The following PLXNB2 variants were observed in gnomAD, a reference collection of about 807,000 sequenced individuals.
PLXNB2 encodes plexin B2.
PLXNB2 carries 85 observed loss-of-function variants against 202.6 expected under a neutral mutation model. That is an observed-to-expected ratio of 0.42 (90% confidence interval 0.35 to 0.50). The LOEUF is 0.50. Among genes scored for constraint, PLXNB2 ranks in the 20% least tolerant of loss-of-function variants. PLXNB2 has a pLI of 0.02. For missense variants in PLXNB2, 2,063 were observed against 2,586.2 expected, an observed-to-expected ratio of 0.80 and a Z score of 4.39; for synonymous variants, 1,239 against 1,137.6, an observed-to-expected ratio of 1.09 and a Z score of -1.79.
chr22:50,289,466 C>A lies in PLXNB2; in HGVS notation c.1068+51G>T, dbSNP rs753361944. On this transcript the variant is annotated intron_variant, in intron 3 of 36. Coordinates refer to ENST00000359337, the MANE Select transcript of PLXNB2 (RefSeq NM_012401.4). This position sits in a 1 kb window ranked among gnomAD's most constrained non-coding sequence, Gnocchi z 8.0. ...CAGCAGGCTGGGACACGCAAACCCA[C>A]GAACGGACGCCTGCAGTCCGGGCCC... is the stretch of plus-strand genomic sequence containing the variant. 2.6e-6 allele frequency: 4 copies of A among 1,518,316 alleles called. No homozygotes were observed. The highest frequency in any genetic ancestry group is 2.8e-5 in the African/African-American group (2 of 72,368). The allele number at this position is 1,518,316 out of a possible 1,614,324, so 94.1% of individuals were successfully genotyped here. A position where few individuals can be genotyped will look rare whatever the true frequency, so the allele number is the denominator to read the frequency against.
In PLXNB2 at chr22:50,279,859, G is replaced by C. The variant is rs2065866325; in HGVS notation, c.4243-83C>G. 4.1e-5 allele frequency: 63 copies of C among 1,533,566 alleles called. No homozygotes were observed. In the South Asian group the frequency reaches 6.2e-4, roughly 15 times the overall value. The allele number at this position is 1,533,566 out of a possible 1,614,324, so 95.0% of individuals were successfully genotyped here. A position where few individuals can be genotyped will look rare whatever the true frequency, so the allele number is the denominator to read the frequency against. The stretch of plus-strand genomic sequence containing the variant: ...CCCCGGAGCCCTGGCCAGAGGCATG[G>C]ACGGGGCTGACCATGTCAGGGGCAG... On this transcript the variant is annotated intron_variant, in intron 26 of 36. Transcript: ENST00000359337.
chr22:50,282,835 T>C lies in PLXNB2; in HGVS notation c.2863A>G (p.Thr955Ala). Residue 955 changes from threonine to alanine, a missense_variant, in exon 18 of 37, where the codon ACA (threonine) becomes GCA (alanine). Coordinates refer to ENST00000359337, the MANE Select transcript of PLXNB2 (RefSeq NM_012401.4). ...QLQCVTGPQATRGQMLLEVSY... is the reference protein window; with the variant it reads ...QLQCVTGPQAARGQMLLEVSY... ...ACCTCCAGAAGCATCTGGCCCCGTGTCGCCTGGGGGCCAGTGACACACTGG... is the reference window on the plus strand; with the variant it reads ...ACCTCCAGAAGCATCTGGCCCCGTGCCGCCTGGGGGCCAGTGACACACTGG... 1 of 1,612,828 alleles carries C rather than the reference T, an allele frequency of 6.2e-7. No homozygotes were observed. Among genetic ancestry groups the C allele is most frequent in the Middle Eastern group, 1.7e-4 (1 of 6,056 alleles).
chr22:50,300,340 G>C (rs1425740979), intron 1 of PLXNB2: 21 of 985,300 alleles, frequency 2.1e-5, no homozygotes, highest in Non-Finnish European at 2.5e-5. Flanking sequence ...CCGTGGAAGG[G>C]GCGCGGGGAG....
At chr22:50,300,340 G>A in intron 1 of PLXNB2, 7 of 985,300 alleles carry the variant, frequency 7.1e-6, no homozygotes, top group Non-Finnish European at 8.4e-6. Context: ...CCGTGGAAGG[G>A]GCGCGGGGAG....
rs758310101 is a variant in PLXNB2, at chr22:50,289,033, G to A, written c.1178C>T (p.Thr393Met). The change falls in exon 4 of 37, where the codon ACG becomes ATG. Residue 393 changes from threonine to methionine, a missense_variant. By Grantham distance (81) the Thr-to-Met change is moderately conservative. Coordinates refer to ENST00000359337, the MANE Select transcript of PLXNB2 (RefSeq NM_012401.4). This position sits in a 1 kb window ranked among gnomAD's most constrained non-coding sequence, Gnocchi z 8.0. ...AVLQRGGLNL[T>M]AVTVAAENNH... ...GTTCTCGGCGGCGACCGTCACGGCCGTGAGGTTCAGGCCTCCACGCTGCAG... is the reference window on the plus strand; with the variant it reads ...GTTCTCGGCGGCGACCGTCACGGCCATGAGGTTCAGGCCTCCACGCTGCAG... 5.6e-6 allele frequency: 9 copies of A among 1,609,820 alleles called. No individual in the cohort carries two copies. The highest frequency in any genetic ancestry group is 2.2e-5 in the East Asian group (1 of 44,776).
At chr22:50,304,017 G>A (rs1172007119) in intron 1 of PLXNB2, among the ~76,000 whole-genome samples, 4 of 152,208 alleles carry the variant, frequency 2.6e-5, no homozygotes, top group African/African-American at 9.7e-5. Context: ...CAGCTCAGGT[G>A]TGGCCTTAGG....
In PLXNB2 at chr22:50,275,454, C is replaced by T. The variant is rs776411869; in HGVS notation, c.*250G>A. ...AAATCACTGGAGACTCGACAGTGAA[C>T]ACCCGATGCTGGTTCTGCGGCCGGA... On this transcript the variant is annotated 3_prime_UTR_variant, in exon 37 of 37. Transcript: ENST00000359337. 5 of 632,110 alleles carry T rather than the reference C, an allele frequency of 7.9e-6. No homozygotes were observed. The highest frequency in any genetic ancestry group is 6.0e-5 in the South Asian group (4 of 66,126). The allele number at this position is 632,110 out of a possible 1,614,324, so 39.2% of individuals were successfully genotyped here.
rs368694519 is a variant in PLXNB2, at chr22:50,284,007, C to T, written c.2264-17G>A. 3.3e-5 allele frequency: 51 copies of T among 1,532,584 alleles called. No individual in the cohort carries two copies. The Middle Eastern group carries it at 2.2e-3, about 66-fold the overall frequency. The allele number at this position is 1,532,584 out of a possible 1,614,324, so 94.9% of individuals were successfully genotyped here. A position where few individuals can be genotyped will look rare whatever the true frequency, so the allele number is the denominator to read the frequency against. ...AGAGGGTCACTGCGGGGAGAGCTGC[C>T]GTCAGTGGTCACCCCGTGCCTGCCC... On this transcript the variant is annotated splice_polypyrimidine_tract_variant and intron_variant, in intron 13 of 36. Coordinates refer to ENST00000359337, the MANE Select transcript of PLXNB2 (RefSeq NM_012401.4). The surrounding 1 kb of genome is among the most constrained non-coding windows in gnomAD (Gnocchi z 8.0).
Position 50,284,629 on chromosome 22 carries a change from A to G in PLXNB2, c.2125T>C (p.Phe709Leu), listed in dbSNP as rs553785965. The G allele has an allele frequency of 1.4e-4, 227 of 1,612,614 alleles. No homozygotes were observed. The highest frequency in any genetic ancestry group is 1.9e-4 in the Non-Finnish European group (223 of 1,179,650). ...SLHVGSDLLKFMEPVTMQESG... is the reference protein window; with the variant it reads ...SLHVGSDLLKLMEPVTMQESG... ...TCCTGCATGGTCACCGGCTCCATGA[A>G]CTTGAGCAAGTCACTGCCCACGTGC... is the stretch of plus-strand genomic sequence containing the variant. The change falls in exon 12 of 37, where the codon TTC (phenylalanine) becomes CTC (leucine). Residue 709 changes from phenylalanine (F) to leucine (L), a missense_variant. This residue lies in a region of PLXNB2 where 1,303 missense variants were observed against 1,476.8 expected (regional missense o/e 0.88). Transcript: ENST00000359337. This position sits in a 1 kb window ranked among gnomAD's most constrained non-coding sequence, Gnocchi z 8.0.
At chr22:50,282,992 C>T (rs1389611304) in intron 17 of PLXNB2, 58 bp downstream of exon 17, 3 of 1,576,510 alleles carry the variant, frequency 1.9e-6, no homozygotes, top group African/African-American at 2.7e-5. Context: ...CAGTAAGTGC[C>T]CCCCTCCATA....
At chr22:50,283,254 G>GT in intron 16 of PLXNB2, 68 bp from the exon 17 acceptor site, 2 of 1,605,044 alleles carry the variant, frequency 1.2e-6, no homozygotes, top group Non-Finnish European at 1.7e-6. Context: ...GGGCTGGATG[G>GT]TAACTGTCGT....
chr22:50,276,726 A>G, intron 34 of PLXNB2, 22 bp from the exon 35 acceptor site: 3 of 1,611,224 alleles, frequency 1.9e-6, no homozygotes, highest in East Asian at 2.2e-5. Flanking sequence ...GGAGCATCAT[A>G]CAGTGTGGGC....
At position 50,306,678 on chromosome 22, in the gene PLXNB2, GGCCC is replaced by G. The variant is rs1433317806; in HGVS notation, c.-74+871_-74+874del. 2.4e-4 allele frequency among the ~76,000 whole-genome samples: 35 copies of G among 144,192 alleles called. No individual in the cohort carries two copies. The East Asian group carries it at 5.3e-3, about 22-fold the overall frequency. 94.6% of individuals were successfully genotyped at this position (144,192 alleles called of 152,430 possible). A position where few individuals can be genotyped will look rare whatever the true frequency, so the allele number is the denominator to read the frequency against. On this transcript the variant is annotated intron_variant, in intron 1 of 36. Transcript: ENST00000359337. Reference sequence around the variant, plus strand: ...GGCCGCCGGGATCTGCCGGGTTTGGGGCCCACCCTCACCCTCACCCTCACCCTCA... The same window carrying G: ...GGCCGCCGGGATCTGCCGGGTTTGGGACCCTCACCCTCACCCTCACCCTCA...
Position 50,286,117 on chromosome 22 carries a change from G to T in PLXNB2, c.1878-19C>A. ...GATGCACCTGCATCCAGAGGGGATC[G>T]TGAGCAGGGCTGGGGTGGACGGGCA... On this transcript the variant is annotated intron_variant, in intron 9 of 36. Transcript: ENST00000359337. The T allele has an allele frequency of 6.2e-7, 1 of 1,611,422 alleles. No individual in the cohort carries two copies. The highest frequency in any genetic ancestry group is 1.1e-5 in the South Asian group (1 of 91,068).
intron 26 of PLXNB2, 109 bp from the exon 27 acceptor site, chr22:50,279,885 GA>G (rs1191779097): frequency 1.6e-5 from 23 of 1,455,804 alleles, no homozygotes; most frequent in Admixed American, 1.5e-4. Flanking sequence ...TCAGGGGCAG[GA>G]AGCAAACCTG....
chr22:50,299,672 TAGGCGCGGGG>T (rs2067542403), intron 1 of PLXNB2, among the ~76,000 whole-genome samples: 2 of 151,786 alleles, frequency 1.3e-5, no homozygotes, highest in Non-Finnish European at 2.9e-5. Flanking sequence ...CGCCCGTGGG[TAGGCGCGGGG>T]AGGGACTGGG....
At position 50,275,895 on chromosome 22, in the gene PLXNB2, A is replaced by T; in HGVS notation, c.5406T>A (p.Tyr1802Ter). The change falls in exon 36 of 37, where the codon TAT becomes TAA. Residue 1802 changes from tyrosine to a stop codon, truncating the protein, a stop_gained. Transcript: ENST00000359337. LOFTEE classifies it high-confidence loss of function. ...HQLYQYTQKYYDEIINALEED... is the reference protein window; with the variant it reads ...HQLYQYTQKY ...CCCGGGGGCCTGACCCTACCTCGTC[A>T]TAGTACTTCTGCGTGTATTGGTAGA... 6.2e-7 allele frequency: 1 copy of T among 1,612,336 alleles called. No individual in the cohort carries two copies. Among genetic ancestry groups the T allele is most frequent in the Non-Finnish European group, 8.5e-7 (1 of 1,179,706 alleles).
chr22:50,277,831 C>T (rs373840978), intron 32 of PLXNB2, 22 bp downstream of exon 32: 5 of 1,608,086 alleles, frequency 3.1e-6, no homozygotes, highest in Admixed American at 1.7e-5. Context: ...GGCTGGGCCG[C>T]GGGGTGGGTG....
At chr22:50,305,910 C>G (rs73437489) in intron 1 of PLXNB2, among the ~76,000 whole-genome samples, 13,786 of 152,218 alleles carry the variant, frequency 0.091, 1,386 homozygotes, top group African/African-American at 0.25. Flanking sequence ...CCTGCTGGGG[C>G]CAACCTTGGG....
Sources: gnomAD v4.1 joint callset for allele counts (sites outside exome capture counted in the v4.1 genomes callset) on GRCh38, gnomAD v4.1.1 for gene constraint, gnomAD v4.1.1 regional missense constraint, Gnocchi (gnomAD v3.1) non-coding constraint, MANE v1.5 for transcripts, NCBI Gene and HGNC (gene_info 2026-07-23, HGNC 2026-07-21) for gene names.